SIN3A: variants seen among roughly 807,000 people sequenced by gnomAD.
SIN3A encodes paired amphipathic helix protein Sin3a.
A neutral mutation model predicts 146.1 loss-of-function variants in SIN3A; 14 were observed. The ratio of observed to expected loss-of-function variants is 0.10; its 90% CI spans 0.06 to 0.15. SIN3A has a LOEUF of 0.15. Among genes scored for constraint, SIN3A ranks in the 10% least tolerant of loss-of-function variants. The pLI, the probability that SIN3A is intolerant of heterozygous loss-of-function variation, is 1.00. For missense variants in SIN3A, 1,028 were observed against 1,576.0 expected, an observed-to-expected ratio of 0.65 and a Z score of 5.89; for synonymous variants, 572 against 572.0, an observed-to-expected ratio of 1.00 and a Z score of 0.00.
chr15:75,408,262 A>G (rs1481149974), intron 8 of SIN3A, among the ~76,000 whole-genome samples: 1 of 152,244 alleles, frequency 6.6e-6, no homozygotes, highest in East Asian at 1.9e-4. Flanking sequence ...TGCTACCCAT[A>G]TAACTAATTC....
intron 1 of SIN3A, chr15:75,448,181 A>T (rs2074340248): frequency 1.5e-5 from 1 of 68,540 alleles, no homozygotes; most frequent in Middle Eastern, 0.011. Context: ...CGTCTAAAAA[A>T]AAAAAAAAAA....
Position 75,411,729 on chromosome 15 carries a change from T to C in SIN3A, c.771A>G (p.Gln257=). 2 of 1,601,508 alleles carry C rather than the reference T, an allele frequency of 1.2e-6. No homozygotes were observed. Among genetic ancestry groups the C allele is most frequent in the Admixed American group, 1.7e-5 (1 of 58,712 alleles). The part of the protein sequence containing the change: ...PAKVSKPSQL[Q]AHTPASQQTP... ...TCTGCTGACTGGCCGGAGTATGTGC[T>C]TGCAGTTGGGAGGGCTAGAAAGAAA... Residue 257 remains glutamine, a synonymous_variant, in exon 6 of 21, where the codon CAA becomes CAG. Coordinates refer to ENST00000394947, the MANE Select transcript of SIN3A (RefSeq NM_001145358.2).
In SIN3A at chr15:75,372,183, T is replaced by C. The variant is rs1258315086; in HGVS notation, c.3618A>G (p.Leu1206=). The C allele has an allele frequency of 3.7e-6, 6 of 1,611,762 alleles. No individual in the cohort carries two copies. The African/African-American group carries it at 5.3e-5, about 14-fold the overall frequency. ...CTACCCAGGCCTGGAATCTCTGATG[T>C]AGACGCTTGCTTACACGCTCATGGG... is the stretch of plus-strand genomic sequence containing the variant. ...HQSHERVSKR[L]HQRFQAWVDK... is the part of the protein sequence containing the mutation. Residue 1206 remains leucine, a synonymous_variant, in exon 21 of 21, where the codon CTA becomes CTG. Coordinates refer to ENST00000394947, the MANE Select transcript of SIN3A (RefSeq NM_001145358.2).
chr15:75,410,498 A>C (rs2073613396), intron 6 of SIN3A, among the ~76,000 whole-genome samples: 1 of 151,866 alleles, frequency 6.6e-6, no homozygotes, highest in African/African-American at 2.4e-5. Flanking sequence ...TAGGGTAGTA[A>C]ATATTTTTGA....
intron 2 of SIN3A, among the ~76,000 whole-genome samples, chr15:75,424,681 C>A (rs942040016): frequency 3.9e-5 from 6 of 152,086 alleles, no homozygotes; most frequent in Non-Finnish European, 8.8e-5. Context: ...CAACATGTTG[C>A]CCAGGCTGGT....
intron 5 of SIN3A, 81 bp from the exon 6 acceptor site, chr15:75,411,824 G>T: frequency 1.4e-6 from 2 of 1,426,648 alleles, no homozygotes; most frequent in South Asian, 1.4e-5. Flanking sequence ...AGAGAAACAA[G>T]GTGTCAACGT....
Position 75,371,730 on chromosome 15 carries a change from C to T in SIN3A, c.*249G>A, listed in dbSNP as rs2072754916. 2.0e-6 allele frequency: 1 copy of T among 489,768 alleles called. No individual in the cohort carries two copies. The highest frequency in any genetic ancestry group is 2.0e-5 in the African/African-American group (1 of 51,134). The allele number at this position is 489,768 out of a possible 1,614,324, so 30.3% of individuals were successfully genotyped here. On this transcript the variant is annotated 3_prime_UTR_variant, in exon 21 of 21. Coordinates refer to ENST00000394947, the MANE Select transcript of SIN3A (RefSeq NM_001145358.2). ...CTTTGCTTGCATGGACTTCCTTCCC[C>T]TCCAGGGCAGGCTATACCCAAAACC...
intron 12 of SIN3A, among the ~76,000 whole-genome samples, chr15:75,398,291 C>T (rs936298375): frequency 3.3e-5 from 5 of 152,214 alleles, no homozygotes; most frequent in African/African-American, 7.2e-5. Flanking sequence ...ATTGAGCCCA[C>T]TTTCAGTAGT....
At chr15:75,421,495 G>C (rs1286785656) in intron 3 of SIN3A, 7 of 152,124 alleles carry the variant, frequency 4.6e-5, no homozygotes. Context: ...TATTTATGTA[G>C]CATTTAATAC....
chr15:75,374,400 A>C (rs1869965750), intron 20 of SIN3A, among the ~76,000 whole-genome samples: 1 of 152,254 alleles, frequency 6.6e-6, no homozygotes, highest in South Asian at 2.1e-4. Flanking sequence ...ATAAATGCAT[A>C]AAGTCTACAA....
At chr15:75,437,167 T>TC (rs2074122434) in intron 1 of SIN3A, among the ~76,000 whole-genome samples, 1 of 139,010 alleles carries the variant, frequency 7.2e-6, no homozygotes, top group Admixed American at 7.3e-5. Flanking sequence ...AGATAGGCAG[T>TC]CCCAGAACCC....
In SIN3A at chr15:75,407,075, C is replaced by G; in HGVS notation, c.1387G>C (p.Glu463Gln). The change falls in exon 9 of 21, where the codon GAA (glutamate) becomes CAA (glutamine). Residue 463 changes from glutamate to glutamine, a missense_variant. This residue lies in a region of SIN3A where 62 missense variants were observed against 63.5 expected (regional missense o/e 0.98). Transcript: ENST00000394947. ...CTCACCTTATCAAAAAATAACGATT[C>G]TGTTCCACCACCATGTTTGCTGGCA... ...ADASKHGGGT[E>Q]SLFFDKVRKA... is the part of the protein sequence containing the mutation. The G allele has an allele frequency of 6.2e-7, 1 of 1,612,128 alleles. No homozygotes were observed.
chr15:75,433,899 C>A (rs1288082082), intron 1 of SIN3A, among the ~76,000 whole-genome samples: 1 of 152,236 alleles, frequency 6.6e-6, no homozygotes, highest in Non-Finnish European at 1.5e-5. Context: ...CCGCTCTAAT[C>A]ATACCTCCTG....
chr15:75,447,696 T>C (rs552760159), intron 1 of SIN3A: 8 of 152,156 alleles, frequency 5.3e-5, no homozygotes, highest in Admixed American at 6.5e-5. Flanking sequence ...AAATAAAGGA[T>C]GTGGACCTGC....
At chr15:75,450,865 G>A (rs1196814459) in intron 1 of SIN3A, among the ~76,000 whole-genome samples, 2 of 152,204 alleles carry the variant, frequency 1.3e-5, no homozygotes, top group East Asian at 1.9e-4. Flanking sequence ...GCGGAAACCC[G>A]GGGCCTGGGC....
intron 17 of SIN3A, chr15:75,384,055 T>C (rs1446380138): frequency 9.8e-6 from 3 of 305,058 alleles, no homozygotes; most frequent in Non-Finnish European, 1.8e-5. Context: ...TATAACTAGT[T>C]TTTTTTTTTT....
intron 3 of SIN3A, chr15:75,415,286 C>G (rs142368577): frequency 6.6e-6 from 1 of 152,464 alleles, no homozygotes; most frequent in African/African-American, 2.4e-5. Context: ...GGGGAACTGA[C>G]TGAATAGAGG....
intron 2 of SIN3A, among the ~76,000 whole-genome samples, chr15:75,427,641 C>G (rs1424533837): frequency 6.8e-6 from 1 of 147,690 alleles, no homozygotes; most frequent in Non-Finnish European, 1.5e-5. Flanking sequence ...GCCTGGGCAA[C>G]AGACAGAGAG....
chr15:75,407,751 G>A (rs1025968779), intron 8 of SIN3A, among the ~76,000 whole-genome samples: 1 of 151,646 alleles, frequency 6.6e-6, no homozygotes, highest in Non-Finnish European at 1.5e-5. Context: ...AAATTAGCTG[G>A]GCGTGGTAGT....
Sources: allele counts gnomAD v4.1 joint callset (sites outside exome capture counted in the v4.1 genomes callset), GRCh38; gene constraint gnomAD v4.1.1; regional missense constraint gnomAD v4.1.1; transcripts MANE v1.5; gene names NCBI Gene and HGNC (gene_info 2026-07-23, HGNC 2026-07-21).